The following LARP1B variants were observed in gnomAD, a reference collection of about 807,000 sequenced individuals.
LARP1B encodes La ribonucleoprotein 1B, also known as la-related protein 1B.
A neutral mutation model predicts 114.2 loss-of-function variants in LARP1B; 76 were observed. The ratio of observed to expected loss-of-function variants is 0.67; its 90% confidence interval spans 0.55 to 0.81. The LOEUF (loss-of-function observed/expected upper bound fraction) is 0.81, where lower values mean the gene tolerates loss of function less well. LARP1B is among the 30% of genes least tolerant of loss of function. The probability of loss-of-function intolerance (pLI) is 0.00; values close to 1 mark genes in which losing one functional copy is unlikely to be tolerated. For synonymous variants in LARP1B, 345 were observed against 348.0 expected (o/e 0.99, Z 0.10); for missense variants, 1,014 against 1,075.8 (o/e 0.94, Z 0.80).
chr4:128,220,306 A>C, intron 6 of LARP1B: 1 of 746,872 alleles, frequency 1.3e-6, no homozygotes, highest in Non-Finnish European at 1.6e-6. Context: ...TCCTTCAACT[A>C]ATTTCTTGGC....
intron 11 of LARP1B, among the ~76,000 whole-genome samples, chr4:128,146,585 G>T (rs2150272560): frequency 6.6e-6 from 1 of 152,246 alleles, no homozygotes; most frequent in East Asian, 1.9e-4. Context: ...TGAAAGAACA[G>T]TTAGGAAATC....
intron 11 of LARP1B, among the ~76,000 whole-genome samples, chr4:128,140,335 C>A (rs1727453674): frequency 6.6e-6 from 1 of 151,958 alleles, no homozygotes; most frequent in African/African-American, 2.4e-5. Context: ...TGAAAAGTAG[C>A]TATATAGTAG....
chr4:128,097,997 T>C (rs944175979), intron 7 of LARP1B, among the ~76,000 whole-genome samples, 189 bp from the exon 8 acceptor site: 6 of 152,230 alleles, frequency 3.9e-5, no homozygotes, highest in African/African-American at 1.4e-4. Flanking sequence ...TAAGAGAAAT[T>C]ATTAATTCAG....
intron 11 of LARP1B, chr4:128,156,247 G>T: frequency 3.1e-6 from 4 of 1,307,252 alleles, no homozygotes; most frequent in Non-Finnish European, 4.3e-6. Flanking sequence ...CCTAAGCAAC[G>T]TCTGCTCCCC....
intron 7 of LARP1B, among the ~76,000 whole-genome samples, chr4:128,221,204 A>T (rs187102952): frequency 1.3e-5 from 2 of 152,346 alleles, no homozygotes; most frequent in Admixed American, 6.5e-5. Flanking sequence ...TGATTAGGAA[A>T]CAAATATCAT....
intron 11 of LARP1B, chr4:128,123,373 AGGTTC>A (rs1788601309): frequency 1.0e-6 from 1 of 981,258 alleles, no homozygotes; most frequent in South Asian, 4.7e-5. Context: ...TGTAATACTT[AGGTTC>A]GGTAAGTAAT....
chr4:128,084,367 A>G (rs997452800), intron 5 of LARP1B, among the ~76,000 whole-genome samples: 5 of 152,250 alleles, frequency 3.3e-5, no homozygotes, highest in East Asian at 1.9e-4. Flanking sequence ...TCCGTCTGCA[A>G]TCCCGGCACC....
chr4:128,164,941 T>C (rs1200540003), intron 12 of LARP1B, among the ~76,000 whole-genome samples: 2 of 152,008 alleles, frequency 1.3e-5, no homozygotes, highest in Non-Finnish European at 2.9e-5. Flanking sequence ...GAACTAATGT[T>C]ACATGTGACA....
intron 5 of LARP1B, among the ~76,000 whole-genome samples, chr4:128,086,130 A>G (rs532833959): frequency 6.8e-6 from 1 of 147,868 alleles, no homozygotes; most frequent in Non-Finnish European, 1.5e-5. Context: ...TCACCCACTG[A>G]GTAGCTGGGA....
intron 1 of LARP1B, among the ~76,000 whole-genome samples, chr4:128,073,600 T>TTG (rs1766554010): frequency 1.0e-5 from 1 of 97,432 alleles, no homozygotes; most frequent in Non-Finnish European, 2.1e-5. Flanking sequence ...TTTTTTTTTT[T>TTG]TTTTTTTTTG....
intron 11 of LARP1B, among the ~76,000 whole-genome samples, chr4:128,125,289 A>G (rs901277523): frequency 6.6e-6 from 1 of 151,990 alleles, no homozygotes; most frequent in Non-Finnish European, 1.5e-5. Flanking sequence ...TTGGTACCCA[A>G]AAGTGCACCA....
intron 1 of LARP1B, chr4:128,061,802 C>T (rs1369933497): frequency 5.1e-6 from 5 of 984,754 alleles, no homozygotes; most frequent in Non-Finnish European, 6.0e-6. Context: ...GGCCGAGCAG[C>T]CGCCCCCGCC....
chr4:128,178,343 A>C, intron 13 of LARP1B, 88 bp from the exon 14 acceptor site: 1 of 898,366 alleles, frequency 1.1e-6, no homozygotes, highest in Non-Finnish European at 1.7e-6. Flanking sequence ...AAATCCTTTG[A>C]GCTTAGAGAA....
chr4:128,155,461 C>G (rs550127045), intron 11 of LARP1B: 11 of 753,226 alleles, frequency 1.5e-5, no homozygotes, highest in African/African-American at 5.1e-5. Flanking sequence ...GCGCAGCCCC[C>G]CGGCCGCAGT....
chr4:128,202,005 A>G (rs1185103575), intron 17 of LARP1B, among the ~76,000 whole-genome samples: 1 of 152,222 alleles, frequency 6.6e-6, no homozygotes, highest in Admixed American at 6.5e-5. Flanking sequence ...TCTGATTAAA[A>G]TCACAAAAAT....
intron 3 of LARP1B, among the ~76,000 whole-genome samples, chr4:128,075,968 C>T (rs1253225608): frequency 6.6e-6 from 1 of 152,090 alleles, no homozygotes; most frequent in East Asian, 1.9e-4. Flanking sequence ...TGATAGTTTA[C>T]CCGCTTTTCA....
At chr4:128,064,020 C>G (rs1761460782) in intron 1 of LARP1B, among the ~76,000 whole-genome samples, 2 of 151,880 alleles carry the variant, frequency 1.3e-5, no homozygotes, top group Non-Finnish European at 2.9e-5. Flanking sequence ...GCCTGTAATC[C>G]CAGCACTTTG....
At chr4:128,134,342 T>C (rs1792575565) in intron 11 of LARP1B, among the ~76,000 whole-genome samples, 1 of 152,116 alleles carries the variant, frequency 6.6e-6, no homozygotes. Context: ...GACCACTCAA[T>C]GGAGAAAGGA....
At chr4:128,173,386 G>A (rs1744653376) in intron 12 of LARP1B, among the ~76,000 whole-genome samples, 1 of 152,124 alleles carries the variant, frequency 6.6e-6, no homozygotes, top group African/African-American at 2.4e-5. Flanking sequence ...TTCTGCTTTA[G>A]AGGCATTTTT....
Sources: allele counts gnomAD v4.1 joint callset (sites outside exome capture counted in the v4.1 genomes callset), GRCh38; gene constraint gnomAD v4.1.1; transcripts MANE v1.5; gene names NCBI Gene and HGNC (gene_info 2026-07-23, HGNC 2026-07-21).